The following RYR3 variants were observed in gnomAD, a reference collection of about 807,000 sequenced individuals.
RYR3 encodes the protein ryanodine receptor 3.
RYR3 carries 207 observed loss-of-function variants against 584.3 expected under a neutral mutation model. The ratio of observed to expected loss-of-function variants is 0.35; its 90% CI spans 0.32 to 0.40. The LOEUF is 0.40. Ranked by LOEUF, RYR3 falls within the 10% of genes least tolerant of loss-of-function variation. RYR3 has a pLI of 1.00. For missense variants in RYR3, 5,616 were observed against 6,089.2 expected (o/e 0.92, Z 2.59); for synonymous variants, 2,416 against 2,248.5 (o/e 1.07, Z -2.11).
rs775765449 is a variant in RYR3 at position 33,566,813 on chromosome 15, T to C, written c.1268+14T>C. The C allele has an allele frequency of 6.2e-7, 1 of 1,613,494 alleles. No individual in the cohort carries two copies. Among genetic ancestry groups the C allele is most frequent in the Non-Finnish European group, 8.5e-7 (1 of 1,179,546 alleles). On this transcript the variant is annotated intron_variant, in intron 12 of 103. Transcript: ENST00000634891. ...CCAGTTTGTCAGGTATGTTAGCTCC[T>C]TTCCTCCTCTACCTAGTGAGTTTGA... is the stretch of plus-strand genomic sequence containing the variant.
At chr15:33,554,903 T>G (rs2056965421) in intron 10 of RYR3, among the ~76,000 whole-genome samples, 1 of 152,212 alleles carries the variant, frequency 6.6e-6, no homozygotes. Context: ...TTAATAATGT[T>G]AAAGCAGGCC....
chr15:33,780,390 G>A (rs1175434259), intron 65 of RYR3, 49 bp downstream of exon 65: 5 of 1,596,232 alleles, frequency 3.1e-6, no homozygotes, highest in Non-Finnish European at 2.6e-6. Context: ...GTGCTGAGAG[G>A]AGAGGAGCCA....
intron 67 of RYR3, among the ~76,000 whole-genome samples, chr15:33,791,897 G>A (rs2075184461): frequency 1.3e-5 from 2 of 152,142 alleles, no homozygotes; most frequent in South Asian, 2.1e-4. Flanking sequence ...GTTGGAGAGT[G>A]GGTACTAGAT....
intron 27 of RYR3, among the ~76,000 whole-genome samples, chr15:33,642,093 G>A (rs183453817): frequency 6.6e-6 from 1 of 152,294 alleles, no homozygotes; most frequent in Admixed American, 6.5e-5. Context: ...CTCTACTGGT[G>A]CTTAGGAATG....
chr15:33,614,945 A>G (rs2060376202), intron 19 of RYR3, among the ~76,000 whole-genome samples: 1 of 152,154 alleles, frequency 6.6e-6, no homozygotes, highest in African/African-American at 2.4e-5. Context: ...TGTGCTATGC[A>G]TGCTGCTTTC....
chr15:33,782,848 A>G (rs2074466452), intron 65 of RYR3, among the ~76,000 whole-genome samples: 1 of 152,192 alleles, frequency 6.6e-6, no homozygotes, highest in Admixed American at 6.5e-5. Flanking sequence ...TTATTAAGAT[A>G]TACCTAGAAA....
rs555347756 is a variant in RYR3, at chr15:33,838,511, G to A, written c.12531G>A (p.Ala4177=). The change falls in exon 89 of 104, where the codon GCG becomes GCA. Residue 4177 remains alanine (A), a synonymous_variant. Coordinates refer to ENST00000634891, the MANE Select transcript of RYR3 (RefSeq NM_001036.6). ...KQYRNVKKMT[A]KELVKVLFSF... is the part of the protein sequence containing the mutation. The stretch of plus-strand genomic sequence containing the variant: ...ACAGGAACGTGAAAAAGATGACTGC[G>A]AAGGAGCTGGTGAAGGTGCTCTTCT... The A allele has an allele frequency of 1.7e-5, 28 of 1,614,004 alleles. No homozygotes were observed. In the Middle Eastern group the frequency reaches 8.2e-4, roughly 48 times the overall value.
intron 3 of RYR3, among the ~76,000 whole-genome samples, chr15:33,527,532 C>T (rs755849782): frequency 6.0e-5 from 9 of 149,022 alleles, no homozygotes; most frequent in Non-Finnish European, 1.0e-4. Context: ...TGCAGTGAGC[C>T]GAGATTGCAC....
chr15:33,371,624 A>G (rs2040338463), intron 1 of RYR3, among the ~76,000 whole-genome samples: 1 of 152,224 alleles, frequency 6.6e-6, no homozygotes, highest in Non-Finnish European at 1.5e-5. Context: ...ACATTTTACT[A>G]GTCTACTCTG....
At chr15:33,599,192 G>C (rs1439675064) in intron 16 of RYR3, among the ~76,000 whole-genome samples, 1 of 152,138 alleles carries the variant, frequency 6.6e-6, no homozygotes, top group Non-Finnish European at 1.5e-5. Context: ...GTTAGCTCAT[G>C]CTGGTACCAA....
At chr15:33,571,571 C>T (rs1460455980) in intron 12 of RYR3, among the ~76,000 whole-genome samples, 3 of 151,968 alleles carry the variant, frequency 2.0e-5, no homozygotes, top group African/African-American at 7.2e-5. Flanking sequence ...TCTTTATGAA[C>T]AGTTTTGTCT....
rs1287386384 is a variant in RYR3 at position 33,865,367 on chromosome 15, CTATTT to C, written c.*143_*147del. Reference sequence around the variant, plus strand: ...AAAAAAAAACTGCTGAAAATCTGTGCTATTTTGAAATTGATTTGGCTTTTTGTGCC... The same window carrying C: ...AAAAAAAAACTGCTGAAAATCTGTGCTGAAATTGATTTGGCTTTTTGTGCC... On this transcript the variant is annotated 3_prime_UTR_variant, in exon 104 of 104. Coordinates refer to ENST00000634891, the MANE Select transcript of RYR3 (RefSeq NM_001036.6). 1 of 645,156 alleles carries C rather than the reference CTATTT, an allele frequency of 1.6e-6. No individual in the cohort carries two copies. Among genetic ancestry groups the C allele is most frequent in the Admixed American group, 3.0e-5 (1 of 33,320 alleles). 40.0% of individuals were successfully genotyped at this position (645,156 alleles called of 1,614,324 possible).
At chr15:33,725,180 C>CACACACACACACACACACATATAT (rs1555427018) in intron 45 of RYR3, among the ~76,000 whole-genome samples, 4,755 of 143,832 alleles carry the variant, frequency 0.033, 263 homozygotes, top group East Asian at 0.18. Context: ...CACACACACA[C>CACACACACACACACACACATATAT]ACACACACAC....
intron 75 of RYR3, among the ~76,000 whole-genome samples, chr15:33,818,042 A>G (rs1464044001): frequency 6.6e-6 from 1 of 152,232 alleles, no homozygotes; most frequent in Non-Finnish European, 1.5e-5. Context: ...CAAGAATTTT[A>G]GAATCAAGAG....
intron 1 of RYR3, among the ~76,000 whole-genome samples, chr15:33,335,574 C>T (rs1970865331): frequency 6.6e-6 from 1 of 152,086 alleles, no homozygotes; most frequent in South Asian, 2.1e-4. Context: ...GGATACTAGG[C>T]TTAATACCTA....
chr15:33,419,502 A>G (rs2044076586), intron 1 of RYR3, among the ~76,000 whole-genome samples: 1 of 152,044 alleles, frequency 6.6e-6, no homozygotes, highest in Admixed American at 6.6e-5. Flanking sequence ...CCTTCCATCT[A>G]TCATTCATTT....
intron 50 of RYR3, among the ~76,000 whole-genome samples, chr15:33,739,553 A>G (rs1367058669): frequency 6.6e-6 from 1 of 151,970 alleles, no homozygotes; most frequent in Non-Finnish European, 1.5e-5. Context: ...ACCCTTAGGT[A>G]GTCTTGAAAT....
intron 12 of RYR3, among the ~76,000 whole-genome samples, chr15:33,574,093 G>T (rs2058171764): frequency 6.6e-6 from 1 of 152,126 alleles, no homozygotes; most frequent in African/African-American, 2.4e-5. Context: ...AGCATAAGAG[G>T]CTTAGTGGCA....
intron 102 of RYR3, among the ~76,000 whole-genome samples, chr15:33,862,434 T>G (rs553247382): frequency 6.6e-6 from 1 of 151,976 alleles, no homozygotes; most frequent in Non-Finnish European, 1.5e-5. Context: ...CTCGAACTCC[T>G]GAGCTCAAGC....
Sources: allele counts gnomAD v4.1 joint callset (sites outside exome capture counted in the v4.1 genomes callset), GRCh38; gene constraint gnomAD v4.1.1; transcripts MANE v1.5; gene names NCBI Gene and HGNC (gene_info 2026-07-23, HGNC 2026-07-21).